Variants in HCK observed in about 807,000 individuals in gnomAD.
HCK encodes tyrosine-protein kinase HCK.
In HCK, 40 loss-of-function variants were observed where a neutral mutation model predicts 70.4. That is an observed-to-expected ratio of 0.57 (90% confidence interval 0.44 to 0.74). HCK has a LOEUF of 0.74. HCK is among the 30% of genes least tolerant of loss of function. The pLI, the probability that HCK is intolerant of heterozygous loss-of-function variation, is 0.00. For synonymous variants in HCK, 245 were observed against 263.2 expected, an observed-to-expected ratio of 0.93 and a Z score of 0.67; for missense variants, 568 against 697.2, an observed-to-expected ratio of 0.81 and a Z score of 2.09.
intron 1 of HCK, chr20:32,054,223 C>T (rs1391680320): frequency 2.2e-6 from 1 of 456,382 alleles, no homozygotes; most frequent in Admixed American, 2.4e-5. Flanking sequence ...CAGGGGCAAC[C>T]GCTGTCATGA....
intron 10 of HCK, among the ~76,000 whole-genome samples, chr20:32,093,198 G>A: frequency 6.6e-6 from 1 of 152,146 alleles, no homozygotes. Flanking sequence ...GCCCACCTCG[G>A]CCTCCCAAAG....
intron 5 of HCK, among the ~76,000 whole-genome samples, chr20:32,079,131 C>G (rs77678831): frequency 0.02 from 3,072 of 152,268 alleles, 78 homozygotes; most frequent in African/African-American, 0.059. Flanking sequence ...CTTTTCCACC[C>G]AAATATCTCA....
rs145543439 is a variant in HCK at position 32,099,542 on chromosome 20, G to C, written c.1378+407G>C. Among the ~76,000 whole-genome samples, 557 of 151,896 alleles carry C rather than the reference G, an allele frequency of 3.7e-3. 3 individuals carry two copies. Among genetic ancestry groups the C allele is most frequent in the Middle Eastern group, 0.01 (3 of 294 alleles). ...CTGGCTAATTTTTGTATTTTTAGTA[G>C]AGACGGGGTTTCACCATGTTGGCCA... On this transcript the variant is annotated intron_variant, in intron 12 of 12. Transcript: ENST00000375852.
chr20:32,067,395 C>T (rs1176763082), intron 1 of HCK, among the ~76,000 whole-genome samples: 1 of 152,174 alleles, frequency 6.6e-6, no homozygotes, highest in African/African-American at 2.4e-5. Flanking sequence ...CTTCCCCTTC[C>T]CCCAGCCCCT....
intron 10 of HCK, among the ~76,000 whole-genome samples, chr20:32,091,466 T>G (rs1197321388): frequency 6.6e-6 from 1 of 152,194 alleles, no homozygotes; most frequent in Non-Finnish European, 1.5e-5. Context: ...ACATGGTAAA[T>G]GTCACATAAG....
chr20:32,067,688 G>A (rs780838582), intron 1 of HCK, among the ~76,000 whole-genome samples: 4 of 151,984 alleles, frequency 2.6e-5, no homozygotes, highest in African/African-American at 4.8e-5. Context: ...ACTGAGGAAC[G>A]CAGGTGTGAG....
In HCK at chr20:32,084,377, G is replaced by A. The variant is rs200693880; in HGVS notation, c.683-14G>A. 6.2e-7 allele frequency: 1 copy of A among 1,607,598 alleles called. No homozygotes were observed. The highest frequency in any genetic ancestry group is 2.2e-5 in the East Asian group (1 of 44,772). ...GTGCTTGTTGCTCTCAATTGACCAG[G>A]GACTCTGTTCCAGAGGGGAACGACG... On this transcript the variant is annotated splice_polypyrimidine_tract_variant and intron_variant, in intron 7 of 12. Coordinates refer to ENST00000375852, the MANE Select transcript of HCK (RefSeq NM_002110.5).
intron 1 of HCK, among the ~76,000 whole-genome samples, chr20:32,052,782 T>TGGAG (rs2045195397): frequency 1.0e-5 from 1 of 99,614 alleles, no homozygotes; most frequent in Non-Finnish European, 1.9e-5. Flanking sequence ...TTCCCCTTCT[T>TGGAG]GGGGGGGGGC....
intron 7 of HCK, 106 bp from the exon 8 acceptor site, chr20:32,084,285 T>A (rs1296328858): frequency 9.2e-6 from 12 of 1,305,120 alleles, no homozygotes; most frequent in Non-Finnish European, 1.2e-5. Flanking sequence ...GGCAACCAGG[T>A]GGAACACTGG....
intron 10 of HCK, among the ~76,000 whole-genome samples, chr20:32,089,830 C>A (rs73104662): frequency 0.035 from 5,269 of 152,222 alleles, 132 homozygotes; most frequent in Non-Finnish European, 0.051. Flanking sequence ...CTAGGCCGAG[C>A]CTGAAGGATG....
Position 32,088,611 on chromosome 20 carries a change from G to A in HCK, c.1059G>A (p.Gln353=). ...TGAAAAGTGATGAGGGCAGCAAGCA[G>A]CCATTGCCAAAACTCATTGACTTCT... The change falls in exon 10 of 13, where the codon CAG becomes CAA. Residue 353 remains glutamine, a synonymous_variant. Coordinates refer to ENST00000375852, the MANE Select transcript of HCK (RefSeq NM_002110.5). 1 of 1,614,094 alleles carries A rather than the reference G, an allele frequency of 6.2e-7. No individual in the cohort carries two copies. The highest frequency in any genetic ancestry group is 8.5e-7 in the Non-Finnish European group (1 of 1,179,998).
chr20:32,093,196 C>T (rs1338640524), intron 10 of HCK, among the ~76,000 whole-genome samples: 2 of 152,180 alleles, frequency 1.3e-5, no homozygotes, highest in African/African-American at 2.4e-5. Context: ...CCGCCCACCT[C>T]GGCCTCCCAA....
In HCK at chr20:32,071,879, G is replaced by T. The variant is rs956425196; in HGVS notation, c.183+97G>T. 9.5e-6 allele frequency: 14 copies of T among 1,467,434 alleles called. No individual in the cohort carries two copies. In the African/African-American group the frequency reaches 1.8e-4, roughly 19 times the overall value. 90.9% of individuals were successfully genotyped at this position (1,467,434 alleles called of 1,614,324 possible). On this transcript the variant is annotated intron_variant, in intron 2 of 12. Transcript: ENST00000375852. The stretch of plus-strand genomic sequence containing the variant: ...GTCTTCCCAAGGTTGGGCAGGGTGA[G>T]CTTGGGGTGAAAGGGAGCTGACTGG...
At chr20:32,069,651 A>G (rs751666345) in intron 1 of HCK, 1 of 496,182 alleles carries the variant, frequency 2.0e-6, no homozygotes, top group South Asian at 1.6e-5. Flanking sequence ...CCAGCACTCC[A>G]AGAGTCTGAA....
chr20:32,093,406 G>A (rs985513702), intron 10 of HCK, among the ~76,000 whole-genome samples: 2 of 152,132 alleles, frequency 1.3e-5, no homozygotes, highest in African/African-American at 2.4e-5. Context: ...GAAGATATGA[G>A]AGGTATAGCA....
chr20:32,061,936 C>CTTT (rs557203114), intron 1 of HCK, among the ~76,000 whole-genome samples: 21 of 122,040 alleles, frequency 1.7e-4, no homozygotes, highest in Non-Finnish European at 2.5e-4. Flanking sequence ...TCTGACTTAC[C>CTTT]TTTTTTTTTT....
chr20:32,085,906 G>T (rs939922407), intron 8 of HCK, among the ~76,000 whole-genome samples: 2 of 152,218 alleles, frequency 1.3e-5, no homozygotes, highest in Non-Finnish European at 2.9e-5. Context: ...GGGCCTGGGG[G>T]TCATAGTAAG....
Position 32,088,584 on chromosome 20 carries a change from T to C in HCK, c.1032T>C (p.Phe344=). 1.2e-6 allele frequency: 2 copies of C among 1,613,828 alleles called. No homozygotes were observed. Among genetic ancestry groups the C allele is most frequent in the Non-Finnish European group, 1.7e-6 (2 of 1,179,960 alleles). ...CCCATATAGGAAGCTTGCTGGACTT[T>C]CTGAAAAGTGATGAGGGCAGCAAGC... The change falls in exon 10 of 13, where the codon TTT becomes TTC. Residue 344 remains phenylalanine, a synonymous_variant. Coordinates refer to ENST00000375852, the MANE Select transcript of HCK (RefSeq NM_002110.5).
chr20:32,069,552 C>A, intron 1 of HCK: 1 of 367,062 alleles, frequency 2.7e-6, no homozygotes, highest in Non-Finnish European at 5.4e-6. Flanking sequence ...ACACATTTAT[C>A]TCAAAGAGAG....
Sources: allele counts gnomAD v4.1 joint callset (sites outside exome capture counted in the v4.1 genomes callset), GRCh38; gene constraint gnomAD v4.1.1; transcripts MANE v1.5; gene names NCBI Gene and HGNC (gene_info 2026-07-23, HGNC 2026-07-21).